The following SGCD variants were observed in gnomAD, a reference collection of about 807,000 sequenced individuals.
SGCD encodes the protein delta-sarcoglycan.
In SGCD, 18 loss-of-function variants were observed where a neutral mutation model predicts 36.6. The ratio of observed to expected loss-of-function variants is 0.49; its 90% confidence interval spans 0.34 to 0.73. The LOEUF (loss-of-function observed/expected upper bound fraction) is 0.73, where lower values mean the gene tolerates loss of function less well. Among genes scored for constraint, SGCD ranks in the 30% least tolerant of loss-of-function variants. SGCD has a pLI of 0.01. For missense variants in SGCD, 387 were observed against 346.7 expected, an observed-to-expected ratio of 1.12 and a Z score of -0.92; for synonymous variants, 133 against 130.6, an observed-to-expected ratio of 1.02 and a Z score of -0.12.
intron 7 of SGCD, among the ~76,000 whole-genome samples, chr5:156,664,944 A>G (rs1029332933): frequency 2.7e-5 from 4 of 148,516 alleles, no homozygotes; most frequent in Middle Eastern, 3.4e-3. Flanking sequence ...GCCATGCCTC[A>G]GTATCTCCTT....
intron 3 of SGCD, among the ~76,000 whole-genome samples, chr5:156,307,023 G>T (rs1767232188): frequency 1.4e-5 from 2 of 147,776 alleles, no homozygotes; most frequent in African/African-American, 2.5e-5. Flanking sequence ...GTTGCTATTT[G>T]CACAGAATAT....
chr5:156,467,544 A>G lies in SGCD; in HGVS notation c.193-41057A>G, dbSNP rs373133700. ...ATCTCTCTTGAGTTGTGATATGTGT[A>G]TTTATATAAATCCATAAACAGAGAT... On this transcript the variant is annotated intron_variant, in intron 3 of 8. Transcript: ENST00000337851. Among the ~76,000 whole-genome samples the G allele has an allele frequency of 7.2e-5, 11 of 152,362 alleles. No individual in the cohort carries two copies. The East Asian group carries it at 2.1e-3, about 29-fold the overall frequency.
At chr5:155,851,232 T>C in the SGCD span, among the ~76,000 whole-genome samples, 1 of 152,176 alleles carries the variant, frequency 6.6e-6, no homozygotes, top group Non-Finnish European at 1.5e-5. Context: ...TCATCTTTAA[T>C]ATTTTCAAGA....
chr5:156,495,944 T>C (rs1414091691), intron 3 of SGCD, among the ~76,000 whole-genome samples: 1 of 152,148 alleles, frequency 6.6e-6, no homozygotes, highest in African/African-American at 2.4e-5. Context: ...CTGGCATTGG[T>C]TTTTATCCCT....
At chr5:156,495,750 G>T (rs1235658492) in intron 3 of SGCD, among the ~76,000 whole-genome samples, 3 of 152,146 alleles carry the variant, frequency 2.0e-5, no homozygotes, top group Non-Finnish European at 1.5e-5. Context: ...AGATAAATGA[G>T]TCTCCTCCTT....
chr5:155,908,011 A>G (rs191818642), intron 1 of SGCD, among the ~76,000 whole-genome samples: 14 of 152,198 alleles, frequency 9.2e-5, no homozygotes, highest in Admixed American at 5.2e-4. Context: ...AGCAATTACC[A>G]CTCTGATCAG....
At chr5:156,164,022 CAAAAAA>C (rs1212346034) in intron 3 of SGCD, among the ~76,000 whole-genome samples, 3 of 58,484 alleles carry the variant, frequency 5.1e-5, no homozygotes, top group East Asian at 5.3e-4. Flanking sequence ...GACTCTGTCT[CAAAAAA>C]AAAAAAAAAA....
chr5:156,069,484 T>A (rs1760463130), intron 1 of SGCD, among the ~76,000 whole-genome samples: 1 of 152,124 alleles, frequency 6.6e-6, no homozygotes, highest in African/African-American at 2.4e-5. Context: ...TTGATCTATA[T>A]CTCCATTTTG....
At position 156,459,047 on chromosome 5, in the gene SGCD, G is replaced by A. The variant is rs114139092; in HGVS notation, c.193-49554G>A. On this transcript the variant is annotated intron_variant, in intron 3 of 8. Transcript: ENST00000337851. The stretch of plus-strand genomic sequence containing the variant: ...TTCATTCAACAGAAACCATCTAAGA[G>A]TGCAGGATCTCTTGATTAGATGCCA... 2.3e-3 allele frequency among the ~76,000 whole-genome samples: 352 copies of A among 152,214 alleles called. 2 individuals are homozygous for A. The highest frequency in any genetic ancestry group is 8.1e-3 in the African/African-American group (338 of 41,546).
chr5:156,328,529 T>C (rs1767917722), intron 1 of SGCD, among the ~76,000 whole-genome samples: 1 of 152,228 alleles, frequency 6.6e-6, no homozygotes, highest in African/African-American at 2.4e-5. Flanking sequence ...AAGTTAATGC[T>C]GAAAGAAAAG....
chr5:156,587,457 T>C lies in SGCD; in HGVS notation c.295-1774T>C, dbSNP rs1760540567. Among the ~76,000 whole-genome samples, 3 of 152,330 alleles carry C rather than the reference T, an allele frequency of 2.0e-5. No homozygotes were observed. The South Asian group carries it at 6.2e-4, about 32-fold the overall frequency. The stretch of plus-strand genomic sequence containing the variant: ...CTGTGATGATATGGTTGCTATCAAA[T>C]ACAAATATGAAAATCTGCACCTTTC... On this transcript the variant is annotated intron_variant, in intron 4 of 8. Coordinates refer to ENST00000337851, the MANE Select transcript of SGCD (RefSeq NM_000337.6).
intron 3 of SGCD, among the ~76,000 whole-genome samples, chr5:156,372,482 A>G (rs1490799014): frequency 6.6e-6 from 1 of 152,208 alleles, no homozygotes; most frequent in Non-Finnish European, 1.5e-5. Context: ...TCCAAGAAGT[A>G]GTCTTCATTT....
intron 6 of SGCD, among the ~76,000 whole-genome samples, chr5:156,633,358 A>G (rs1025511894): frequency 3.9e-5 from 6 of 152,208 alleles, no homozygotes; most frequent in African/African-American, 1.2e-4. Flanking sequence ...TGTGAGTAGG[A>G]TGTGCATAAC....
At chr5:156,439,109 C>T (rs1753376064) in intron 3 of SGCD, among the ~76,000 whole-genome samples, 1 of 152,134 alleles carries the variant, frequency 6.6e-6, no homozygotes, top group Non-Finnish European at 1.5e-5. Context: ...TAGCAGCTAA[C>T]CTTGATAGAG....
intron 3 of SGCD, among the ~76,000 whole-genome samples, chr5:156,446,899 A>G (rs1364181715): frequency 1.3e-5 from 2 of 152,206 alleles, no homozygotes; most frequent in Non-Finnish European, 2.9e-5. Flanking sequence ...TATAGTTGAG[A>G]AAACTGAGGC....
intron 3 of SGCD, among the ~76,000 whole-genome samples, chr5:156,392,711 C>G (rs951309554): frequency 6.6e-6 from 1 of 152,174 alleles, no homozygotes; most frequent in Non-Finnish European, 1.5e-5. Flanking sequence ...GTGGGAGTAG[C>G]TCTCAGCAGG....
At chr5:156,491,784 T>A (rs1406712396) in intron 3 of SGCD, among the ~76,000 whole-genome samples, 1 of 152,142 alleles carries the variant, frequency 6.6e-6, no homozygotes, top group Non-Finnish European at 1.5e-5. Flanking sequence ...TAAGCAGTTA[T>A]CTTATTAGTA....
chr5:156,349,268 A>G (rs972034090), intron 3 of SGCD, among the ~76,000 whole-genome samples: 2 of 152,124 alleles, frequency 1.3e-5, no homozygotes, highest in African/African-American at 4.8e-5. Flanking sequence ...ACCTAATTAA[A>G]CTAAAAAGCT....
At chr5:156,654,997 T>G (rs756800230) in intron 7 of SGCD, among the ~76,000 whole-genome samples, 1 of 152,152 alleles carries the variant, frequency 6.6e-6, no homozygotes, top group East Asian at 1.9e-4. Context: ...AAAAGCTATT[T>G]GTTAAGAGGT....
Sources: gnomAD v4.1 joint callset for allele counts (sites outside exome capture counted in the v4.1 genomes callset) on GRCh38, gnomAD v4.1.1 for gene constraint, MANE v1.5 for transcripts, NCBI Gene and HGNC (gene_info 2026-07-23, HGNC 2026-07-21) for gene names.